CDH22: variants seen among roughly 807,000 people sequenced by gnomAD.
CDH22 encodes cadherin-22.
In CDH22, 30 loss-of-function variants were observed where a neutral mutation model predicts 58.4. The ratio of observed to expected loss-of-function variants is 0.51; its 90% confidence interval spans 0.38 to 0.70. The LOEUF is 0.70. Among genes scored for constraint, CDH22 ranks in the 30% least tolerant of loss-of-function variants. CDH22 has a pLI of 0.00. For missense variants in CDH22, 1,014 were observed against 1,233.9 expected, an observed-to-expected ratio of 0.82 and a Z score of 2.67; for synonymous variants, 513 against 558.2, an observed-to-expected ratio of 0.92 and a Z score of 1.14.
intron 2 of CDH22, 136 bp downstream of exon 2, chr20:46,250,904 T>C: frequency 1.7e-6 from 1 of 579,608 alleles, no homozygotes; most frequent in Non-Finnish European, 3.1e-6. Context: ...GGCCCCCTTA[T>C]CAGTCCTTGG....
intron 2 of CDH22, 55 bp downstream of exon 2, chr20:46,250,985 C>T: frequency 9.4e-7 from 1 of 1,067,626 alleles, no homozygotes; most frequent in Non-Finnish European, 1.4e-6. Context: ...TTGTATCTAC[C>T]CGTGGGTGTC....
At chr20:46,278,979 C>T (rs1011242677) in intron 1 of CDH22, among the ~76,000 whole-genome samples, 1 of 152,082 alleles carries the variant, frequency 6.6e-6, no homozygotes, top group African/African-American at 2.4e-5. Context: ...CAGGAAAGAC[C>T]ACTGCTTGGG....
At chr20:46,239,474 C>T (rs1187024361) in intron 3 of CDH22, among the ~76,000 whole-genome samples, 1 of 152,246 alleles carries the variant, frequency 6.6e-6, no homozygotes, top group Non-Finnish European at 1.5e-5. Context: ...CTCTGGTTCA[C>T]CTCCTCCCCT....
rs1196868498 is a variant in CDH22 at position 46,174,540 on chromosome 20, C to T, written c.2453G>A (p.Gly818Asp). The T allele has an allele frequency of 4.6e-6, 7 of 1,521,436 alleles. No individual in the cohort carries two copies. The highest frequency in any genetic ancestry group is 5.1e-5 in the East Asian group (2 of 39,256). 94.2% of individuals were successfully genotyped at this position (1,521,436 alleles called of 1,614,324 possible). Residue 818 changes from glycine (G) to aspartate (D), a missense_variant, in exon 12 of 12, where the codon GGC (glycine) becomes GAC (aspartate). Around this residue, in one of 2 missense-constraint regions of CDH22, gnomAD observed 208 missense variants for 195.2 expected, o/e 1.07. Transcript: ENST00000537909. The surrounding 1 kb of genome is among the most constrained non-coding windows in gnomAD (Gnocchi z 4.4). ...CTGGGCCTCGTCGTCCCCGCGGTGG[C>T]CGGCGTAGAGCGCGGCCAGGGGCCG... ...RFRPLAALYA[G>D]HRGDDEAQAS
chr20:46,216,731 G>A lies in CDH22; in HGVS notation c.838+95C>T, dbSNP rs1037021527. On this transcript the variant is annotated intron_variant, in intron 5 of 11. Coordinates refer to ENST00000537909, the MANE Select transcript of CDH22 (RefSeq NM_021248.3). The surrounding 1 kb of genome is among the most constrained non-coding windows in gnomAD (Gnocchi z 5.3). Reference sequence around the variant, plus strand: ...GAGAGGGGGAAGCCCTTCTTTTGGTGGGAAGTCTAAAGGGAAGCTGGGGTC... The same window carrying A: ...GAGAGGGGGAAGCCCTTCTTTTGGTAGGAAGTCTAAAGGGAAGCTGGGGTC... The A allele has an allele frequency of 4.3e-5, 50 of 1,167,968 alleles. No homozygotes were observed. The Middle Eastern group carries it at 8.1e-4, about 19-fold the overall frequency. 72.4% of individuals were successfully genotyped at this position (1,167,968 alleles called of 1,614,324 possible).
At chr20:46,276,829 G>C (rs201302710) in intron 1 of CDH22, among the ~76,000 whole-genome samples, 2 of 134,928 alleles carry the variant, frequency 1.5e-5, no homozygotes, top group Non-Finnish European at 3.3e-5. Context: ...CAGATCCACA[G>C]AGTGTGAGCT....
intron 1 of CDH22, among the ~76,000 whole-genome samples, chr20:46,254,142 C>T (rs928619581): frequency 9.9e-5 from 15 of 152,162 alleles, no homozygotes; most frequent in African/African-American, 3.4e-4. Context: ...AGTTATTCAG[C>T]GATCTATCAG....
chr20:46,224,813 C>T (rs1353987015), intron 4 of CDH22, among the ~76,000 whole-genome samples: 2 of 152,206 alleles, frequency 1.3e-5, no homozygotes, highest in East Asian at 1.9e-4. Context: ...CTCTTCTCGG[C>T]ATCTCAATCA....
At chr20:46,268,800 C>A (rs2086474140) in intron 1 of CDH22, among the ~76,000 whole-genome samples, 2 of 152,220 alleles carry the variant, frequency 1.3e-5, no homozygotes, top group African/African-American at 4.8e-5. Context: ...CAATAACCAT[C>A]ATTTCCCCCA....
At position 46,228,237 on chromosome 20, in the gene CDH22, C is replaced by T. The variant is rs377467525; in HGVS notation, c.551-610G>A. 4.0e-5 allele frequency among the ~76,000 whole-genome samples: 6 copies of T among 151,688 alleles called. No homozygotes were observed. In the South Asian group the frequency reaches 8.3e-4, roughly 21 times the overall value. ...TCAGAGGCCAGTGTCTCTTGGCCCC[C>T]GGCAGGAGAGGGCAGCACCCAGCCT... On this transcript the variant is annotated intron_variant, in intron 3 of 11. Coordinates refer to ENST00000537909, the MANE Select transcript of CDH22 (RefSeq NM_021248.3).
At chr20:46,205,471 G>C (rs1055799450) in intron 7 of CDH22, among the ~76,000 whole-genome samples, 4 of 152,162 alleles carry the variant, frequency 2.6e-5, no homozygotes, top group Non-Finnish European at 4.4e-5. Flanking sequence ...TTTGAACCCA[G>C]GTCTCCTCTG....
chr20:46,274,770 C>T (rs910023869), intron 1 of CDH22, among the ~76,000 whole-genome samples: 4 of 151,150 alleles, frequency 2.6e-5, no homozygotes, highest in Non-Finnish European at 5.9e-5. Flanking sequence ...GCTGCTGATA[C>T]CTGCTATAAC....
intron 10 of CDH22, among the ~76,000 whole-genome samples, chr20:46,181,752 C>CTTCCTTCGTTCGTTCTTTCT: frequency 3.8e-5 from 1 of 26,272 alleles, no homozygotes. Flanking sequence ...TCCTTCCTTC[C>CTTCCTTCGTTCGTTCTTTCT]TTCTTTCTTT....
At chr20:46,239,021 A>G (rs1313898076) in intron 3 of CDH22, among the ~76,000 whole-genome samples, 1 of 152,174 alleles carries the variant, frequency 6.6e-6, no homozygotes, top group Non-Finnish European at 1.5e-5. Flanking sequence ...TGCATGTGCC[A>G]TTCCCTCCGC....
intron 8 of CDH22, among the ~76,000 whole-genome samples, chr20:46,191,941 T>C (rs1206294499): frequency 6.6e-6 from 1 of 152,018 alleles, no homozygotes; most frequent in Non-Finnish European, 1.5e-5. Flanking sequence ...CCTCCCTCCT[T>C]CTTTCACTCT....
chr20:46,180,345 G>A (rs1235299543), intron 10 of CDH22, among the ~76,000 whole-genome samples: 1 of 152,194 alleles, frequency 6.6e-6, no homozygotes, highest in Non-Finnish European at 1.5e-5. Context: ...CAGGCCCCTT[G>A]GGTTGGAAAG....
chr20:46,247,805 G>A (rs1426202563), intron 2 of CDH22, among the ~76,000 whole-genome samples: 1 of 152,210 alleles, frequency 6.6e-6, no homozygotes, highest in Non-Finnish European at 1.5e-5. Context: ...GCAAATATTT[G>A]CTAAGAGATG....
intron 10 of CDH22, among the ~76,000 whole-genome samples, chr20:46,179,372 C>G (rs1158856175): frequency 6.6e-6 from 1 of 152,162 alleles, no homozygotes; most frequent in Non-Finnish European, 1.5e-5. Context: ...CTTCGTGGCC[C>G]CAGTTAACCC....
At chr20:46,208,604 T>A (rs142365235) in intron 7 of CDH22, among the ~76,000 whole-genome samples, 2,681 of 152,252 alleles carry the variant, frequency 0.018, 36 homozygotes, top group Non-Finnish European at 0.022. Flanking sequence ...TTAATTAATT[T>A]ATTTATTTTG....
Sources: gnomAD v4.1 joint callset for allele counts (sites outside exome capture counted in the v4.1 genomes callset) on GRCh38, gnomAD v4.1.1 for gene constraint, gnomAD v4.1.1 regional missense constraint, Gnocchi (gnomAD v3.1) non-coding constraint, MANE v1.5 for transcripts, NCBI Gene and HGNC (gene_info 2026-07-23, HGNC 2026-07-21) for gene names.